Variants in ZEB1 observed in about 807,000 individuals in gnomAD.
ZEB1 encodes zinc finger E-box binding homeobox 1, also known as zinc finger E-box-binding homeobox 1.
In ZEB1, 21 loss-of-function variants were observed where a neutral mutation model predicts 84.9. The observed-to-expected ratio is 0.25, with a 90% CI of 0.18 to 0.36. The LOEUF (loss-of-function observed/expected upper bound fraction) is 0.36, where lower values mean the gene tolerates loss of function less well. ZEB1 is among the 10% of genes least tolerant of loss of function. ZEB1 has a pLI of 1.00. For missense variants in ZEB1, 1,104 were observed against 1,330.2 expected (o/e 0.83, Z 2.65); for synonymous variants, 420 against 471.1 (o/e 0.89, Z 1.41).
rs534109170 is a variant in ZEB1, at chr10:31,473,692, A to C, written c.259+12455A>C. Among the ~76,000 whole-genome samples, 1,488 of 149,850 alleles carry C rather than the reference A, an allele frequency of 9.9e-3. 21 individuals are homozygous for C. Among genetic ancestry groups the C allele is most frequent in the African/African-American group, 0.035 (1,417 of 40,438 alleles). On this transcript the variant is annotated intron_variant, in intron 2 of 8. Transcript: ENST00000424869. Reference sequence around the variant, plus strand: ...TCAAGCTACCAATGACTTTCTTCACAGAATTGGAAAAAACTACTTTAAAGT... The same window carrying C: ...TCAAGCTACCAATGACTTTCTTCACCGAATTGGAAAAAACTACTTTAAAGT...
intron 1 of ZEB1, among the ~76,000 whole-genome samples, chr10:31,375,683 A>G (rs1356364898): frequency 6.6e-6 from 1 of 151,740 alleles, no homozygotes; most frequent in Non-Finnish European, 1.5e-5. Flanking sequence ...TTTGTTTTGA[A>G]TTTGGCAGTT....
intron 1 of ZEB1, among the ~76,000 whole-genome samples, chr10:31,460,448 T>C (rs894338968): frequency 2.0e-5 from 3 of 152,136 alleles, no homozygotes; most frequent in Non-Finnish European, 1.5e-5. Flanking sequence ...AAAATACTTG[T>C]GGTAAACTTG....
At chr10:31,429,539 G>C (rs903802966) in intron 1 of ZEB1, among the ~76,000 whole-genome samples, 4 of 152,044 alleles carry the variant, frequency 2.6e-5, no homozygotes, top group African/African-American at 9.7e-5. Context: ...ACCAGTGGTG[G>C]AGGGTGGAAG....
At position 31,319,289 on chromosome 10, in the gene ZEB1, A is replaced by C. The variant is rs757931860; in HGVS notation, c.55A>C (p.Asn19His). The change falls in exon 1 of 9, where the codon AAC becomes CAC. Residue 19 changes from asparagine (N) to histidine (H), a missense_variant. Coordinates refer to ENST00000424869, the MANE Select transcript of ZEB1 (RefSeq NM_001174096.2). ...AAAGCAGGCGAACCCGCGGCGCAAT[A>C]ACGGTGAGTGGCGGAGGGGACCGGG... Reference protein sequence around the residue: ...RRKQANPRRNNVTNYNTVVET... With the variant: ...RRKQANPRRNHVTNYNTVVET... 2.5e-6 allele frequency: 4 copies of C among 1,607,516 alleles called. No individual in the cohort carries two copies. Among genetic ancestry groups the C allele is most frequent in the Non-Finnish European group, 3.4e-6 (4 of 1,177,834 alleles).
intron 2 of ZEB1, among the ~76,000 whole-genome samples, chr10:31,476,979 C>A (rs1233495846): frequency 6.6e-6 from 1 of 152,020 alleles, no homozygotes; most frequent in Non-Finnish European, 1.5e-5. Flanking sequence ...ACGTTGAAAG[C>A]ATTCACCCTA....
At chr10:31,348,052 T>C (rs1450736514) in intron 1 of ZEB1, among the ~76,000 whole-genome samples, 1 of 152,212 alleles carries the variant, frequency 6.6e-6, no homozygotes, top group Non-Finnish European at 1.5e-5. Flanking sequence ...GTGTGGGCCT[T>C]ACTTTCCTCA....
At chr10:31,499,778 G>T (rs892808708) in intron 3 of ZEB1, among the ~76,000 whole-genome samples, 5 of 151,740 alleles carry the variant, frequency 3.3e-5, no homozygotes, top group African/African-American at 7.3e-5. Context: ...AAAAAAAATA[G>T]AAATTATCAA....
intron 1 of ZEB1, among the ~76,000 whole-genome samples, chr10:31,394,653 T>C (rs1170185233): frequency 6.6e-6 from 1 of 152,236 alleles, no homozygotes; most frequent in Non-Finnish European, 1.5e-5. Context: ...GTGTATTCAC[T>C]TGGGTGAAGC....
intron 2 of ZEB1, among the ~76,000 whole-genome samples, chr10:31,483,353 A>G (rs536276208): frequency 1.3e-5 from 2 of 152,144 alleles, no homozygotes; most frequent in East Asian, 1.9e-4. Flanking sequence ...TCTTGCCAAG[A>G]TGGTACATTA....
At chr10:31,319,374 G>A in intron 1 of ZEB1, 82 bp downstream of exon 1, 1 of 1,413,464 alleles carries the variant, frequency 7.1e-7, no homozygotes. Flanking sequence ...AGGGGGGCGA[G>A]CCGGGCTGGG....
chr10:31,359,070 C>T (rs143095994), intron 1 of ZEB1, among the ~76,000 whole-genome samples: 2 of 152,190 alleles, frequency 1.3e-5, no homozygotes, highest in East Asian at 3.9e-4. Context: ...TGACTGTGCT[C>T]TTGGCTGTTA....
intron 1 of ZEB1, chr10:31,361,244 G>A: frequency 3.1e-6 from 5 of 1,601,124 alleles, no homozygotes; most frequent in Non-Finnish European, 4.3e-6. Context: ...CCAGGCTGGA[G>A]TGCAGTGGTG....
rs1051536569 is a variant in ZEB1 at position 31,461,198 on chromosome 10, G to A, written c.220G>A (p.Glu74Lys). Residue 74 changes from glutamate to lysine, a missense_variant, in exon 2 of 9, where the codon GAA becomes AAA. Transcript: ENST00000424869. ...DQTVLPGRSS[E>K]REGNAKNCWE... ...GACAGTGTTACCAGGGAGGAGCAGTGAAAGAGAAGGGAATGCTAAGAACTG... is the reference window on the plus strand; with the variant it reads ...GACAGTGTTACCAGGGAGGAGCAGTAAAAGAGAAGGGAATGCTAAGAACTG... The A allele has an allele frequency of 6.8e-6, 11 of 1,613,194 alleles. No homozygotes were observed. Among genetic ancestry groups the A allele is most frequent in the Admixed American group, 6.7e-5 (4 of 59,814 alleles).
In ZEB1 at chr10:31,478,866, G is replaced by A. The variant is rs184736734; in HGVS notation, c.260-16910G>A. Among the ~76,000 whole-genome samples, 20 of 151,776 alleles carry A rather than the reference G, an allele frequency of 1.3e-4. No homozygotes were observed. In the East Asian group the frequency reaches 3.9e-3, roughly 29 times the overall value. The stretch of plus-strand genomic sequence containing the variant: ...CGTTGGAGACTCCAAAAAGGGGGAA[G>A]GTAAAAGGGGAATTCGGATTTTTAT... On this transcript the variant is annotated intron_variant, in intron 2 of 8. Transcript: ENST00000424869.
chr10:31,469,880 T>C (rs1317971995), intron 2 of ZEB1, among the ~76,000 whole-genome samples: 1 of 152,216 alleles, frequency 6.6e-6, no homozygotes, highest in Non-Finnish European at 1.5e-5. Flanking sequence ...ACGGGTAGAC[T>C]GCCTCCTCAA....
At chr10:31,457,411 T>G (rs2061360700) in intron 1 of ZEB1, among the ~76,000 whole-genome samples, 1 of 152,202 alleles carries the variant, frequency 6.6e-6, no homozygotes, top group Admixed American at 6.6e-5. Context: ...CAGTTTTCAC[T>G]GTTTTTTTTC....
chr10:31,351,831 G>A (rs920344141), intron 1 of ZEB1, among the ~76,000 whole-genome samples: 3 of 151,996 alleles, frequency 2.0e-5, no homozygotes, highest in South Asian at 2.1e-4. Context: ...ATAAGGCAAC[G>A]GACTGTAATC....
intron 1 of ZEB1, chr10:31,321,661 C>A: frequency 7.5e-7 from 1 of 1,329,248 alleles, no homozygotes; most frequent in Non-Finnish European, 1.1e-6. Flanking sequence ...AGCGTCTGTG[C>A]AGCTGCTGTA....
chr10:31,461,531 AC>A (rs1378862354), intron 2 of ZEB1, among the ~76,000 whole-genome samples: 3 of 152,202 alleles, frequency 2.0e-5, no homozygotes, highest in African/African-American at 7.2e-5. Flanking sequence ...TTTTATTGTA[AC>A]CCCGAATGAA....
Sources: allele counts gnomAD v4.1 joint callset (sites outside exome capture counted in the v4.1 genomes callset), GRCh38; gene constraint gnomAD v4.1.1; transcripts MANE v1.5; gene names NCBI Gene and HGNC (gene_info 2026-07-23, HGNC 2026-07-21).